DLG2: variants seen among roughly 807,000 people sequenced by gnomAD.
DLG2 encodes the protein disks large homolog 2.
A neutral mutation model predicts 132.5 loss-of-function variants in DLG2; 45 were observed. That is an observed-to-expected ratio of 0.34 (90% confidence interval 0.27 to 0.44). DLG2 has a LOEUF of 0.44. Ranked by LOEUF, DLG2 falls within the 20% of genes least tolerant of loss-of-function variation. The pLI is 1.00. For missense variants in DLG2, 1,045 were observed against 1,196.9 expected, an observed-to-expected ratio of 0.87 and a Z score of 1.87; for synonymous variants, 424 against 419.6, an observed-to-expected ratio of 1.01 and a Z score of -0.13.
At chr11:83,949,040 A>G (rs1483210255) in intron 14 of DLG2, among the ~76,000 whole-genome samples, 1 of 152,212 alleles carries the variant, frequency 6.6e-6, no homozygotes, top group African/African-American at 2.4e-5. Context: ...TCAATAAATG[A>G]CAGTAATTAT....
At chr11:84,016,304 A>G (rs1370173507) in intron 11 of DLG2, among the ~76,000 whole-genome samples, 3 of 152,020 alleles carry the variant, frequency 2.0e-5, no homozygotes, top group East Asian at 1.9e-4. Flanking sequence ...ATAGATTGTA[A>G]AATTTTTCTC....
intron 5 of DLG2, among the ~76,000 whole-genome samples, chr11:85,136,387 T>A (rs962234333): frequency 6.6e-6 from 1 of 152,194 alleles, no homozygotes; most frequent in Non-Finnish European, 1.5e-5. Flanking sequence ...TTGATTTTCC[T>A]CAGATATAAA....
intron 7 of DLG2, among the ~76,000 whole-genome samples, chr11:84,256,440 T>C (rs1461267470): frequency 2.6e-5 from 4 of 152,090 alleles, no homozygotes; most frequent in East Asian, 1.9e-4. Flanking sequence ...CTTAATCTAG[T>C]ACCTAGACTT....
intron 7 of DLG2, among the ~76,000 whole-genome samples, chr11:84,305,846 A>G (rs1377536970): frequency 2.0e-5 from 3 of 152,168 alleles, no homozygotes. Flanking sequence ...TCTAAAACAG[A>G]GTTTTATTAT....
intron 3 of DLG2, among the ~76,000 whole-genome samples, chr11:85,291,052 C>A (rs1297814023): frequency 6.6e-6 from 1 of 152,064 alleles, no homozygotes; most frequent in Non-Finnish European, 1.5e-5. Context: ...TTGAGATATA[C>A]CTTCAAGCAT....
intron 6 of DLG2, among the ~76,000 whole-genome samples, chr11:84,822,661 G>A (rs1414155885): frequency 2.0e-5 from 3 of 151,824 alleles, no homozygotes; most frequent in Admixed American, 6.6e-5. Flanking sequence ...ATGTTAAGAT[G>A]GTAGTATTTA....
At chr11:85,266,344 C>G (rs11827372) in intron 4 of DLG2, among the ~76,000 whole-genome samples, 14,283 of 152,224 alleles carry the variant, frequency 0.094, 875 homozygotes, top group African/African-American at 0.17. Context: ...CATTCCCATA[C>G]TTGTGTGCTT....
intron 19 of DLG2, among the ~76,000 whole-genome samples, chr11:83,559,033 T>C (rs759554963): frequency 2.6e-5 from 4 of 152,026 alleles, no homozygotes; most frequent in Non-Finnish European, 4.4e-5. Flanking sequence ...GAAGAAGAAG[T>C]AACATGAATT....
intron 7 of DLG2, chr11:84,273,350 A>G (rs1158401060): frequency 7.5e-7 from 1 of 1,329,788 alleles, no homozygotes; most frequent in Non-Finnish European, 9.6e-7. Flanking sequence ...CTGTTACATA[A>G]ACTTCTTAAT....
At chr11:83,561,962 T>C (rs1053587937) in intron 19 of DLG2, among the ~76,000 whole-genome samples, 1 of 149,054 alleles carries the variant, frequency 6.7e-6, no homozygotes, top group East Asian at 2.0e-4. Flanking sequence ...AATCTTGGCT[T>C]ACTGCAACCT....
chr11:85,215,841 A>T (rs2082554477), intron 4 of DLG2, among the ~76,000 whole-genome samples: 1 of 152,122 alleles, frequency 6.6e-6, no homozygotes, highest in South Asian at 2.1e-4. Context: ...GTCTTTTGTC[A>T]ATTTAATTTA....
chr11:84,868,465 T>G (rs543672649), intron 6 of DLG2, among the ~76,000 whole-genome samples: 1 of 152,210 alleles, frequency 6.6e-6, no homozygotes, highest in Non-Finnish European at 1.5e-5. Context: ...TTTTGGCTTT[T>G]GAGTTTTAAA....
Position 83,795,363 on chromosome 11 carries a change from G to A in DLG2, c.1723-8571C>T, listed in dbSNP as rs145910516. 9.5e-3 allele frequency among the ~76,000 whole-genome samples: 1,437 copies of A among 151,990 alleles called. 24 individuals are homozygous for A. Among genetic ancestry groups the A allele is most frequent in the African/African-American group, 0.032 (1,341 of 41,400 alleles). ...GCAGAGCTTGCAGTGAGCTGAGATC[G>A]TGCCACTGCACTCCAGCCTGGGGGA... On this transcript the variant is annotated intron_variant, in intron 17 of 27. Coordinates refer to ENST00000376104, the MANE Select transcript of DLG2 (RefSeq NM_001142699.3).
chr11:84,810,434 C>G (rs2076430514), intron 6 of DLG2, among the ~76,000 whole-genome samples: 1 of 152,100 alleles, frequency 6.6e-6, no homozygotes, highest in African/African-American at 2.4e-5. Flanking sequence ...ATTAAAATCA[C>G]AGTGAGACAT....
At chr11:84,458,057 T>C (rs570918010) in intron 7 of DLG2, among the ~76,000 whole-genome samples, 9 of 150,832 alleles carry the variant, frequency 6.0e-5, no homozygotes, top group Non-Finnish European at 1.2e-4. Context: ...GGTACAGATA[T>C]AGACGCAGAT....
At chr11:83,526,595 A>G (rs2095615458) in intron 21 of DLG2, among the ~76,000 whole-genome samples, 1 of 152,164 alleles carries the variant, frequency 6.6e-6, no homozygotes, top group Non-Finnish European at 1.5e-5. Flanking sequence ...GAGAAAATCA[A>G]CCTGGTCTGG....
rs1176293258 is a variant in DLG2 at position 84,714,581 on chromosome 11, CTT to C, written c.358-179852_358-179851del. 2.2e-3 allele frequency among the ~76,000 whole-genome samples: 295 copies of C among 133,042 alleles called. 5 individuals are homozygous for C. The highest frequency in any genetic ancestry group is 9.1e-3 in the African/African-American group (270 of 29,816). The allele number at this position is 133,042 out of a possible 152,430, so 87.3% of individuals were successfully genotyped here. A position where few individuals can be genotyped will look rare whatever the true frequency, so the allele number is the denominator to read the frequency against. On this transcript the variant is annotated intron_variant, in intron 6 of 27. Coordinates refer to ENST00000376104, the MANE Select transcript of DLG2 (RefSeq NM_001142699.3). ...TCTTTCTCTTTCTCTTTCTCTTTCT[CTT>C]TCTCTTTCTCTTTCTTTCTCTTTCT...
intron 6 of DLG2, among the ~76,000 whole-genome samples, chr11:84,797,863 T>A (rs746355823): frequency 9.2e-5 from 14 of 152,182 alleles, no homozygotes; most frequent in Non-Finnish European, 1.9e-4. Flanking sequence ...GGGAAGTCTT[T>A]CCAAGTATTC....
rs181455119 is a variant in DLG2 at position 84,571,410 on chromosome 11, A to G, written c.358-36679T>C. On this transcript the variant is annotated intron_variant, in intron 6 of 27. Coordinates refer to ENST00000376104, the MANE Select transcript of DLG2 (RefSeq NM_001142699.3). ...TTTATCTTTTCCTTCTCTTGTATTCAGAAGACACCTAAGTACATTCATTTC... is the reference window on the plus strand; with the variant it reads ...TTTATCTTTTCCTTCTCTTGTATTCGGAAGACACCTAAGTACATTCATTTC... 7.9e-5 allele frequency among the ~76,000 whole-genome samples: 12 copies of G among 151,200 alleles called. No individual in the cohort carries two copies. In the East Asian group the frequency reaches 2.3e-3, roughly 30 times the overall value.
Sources: allele counts gnomAD v4.1 joint callset (sites outside exome capture counted in the v4.1 genomes callset), GRCh38; gene constraint gnomAD v4.1.1; transcripts MANE v1.5; gene names NCBI Gene and HGNC (gene_info 2026-07-23, HGNC 2026-07-21).